The following PTMA variants were observed in gnomAD, a reference collection of about 807,000 sequenced individuals.
The protein encoded by PTMA is gene sequence 28.
A neutral mutation model predicts 16.9 loss-of-function variants in PTMA; 4 were observed. That is an observed-to-expected ratio of 0.24 (90% CI 0.12 to 0.54). The LOEUF (loss-of-function observed/expected upper bound fraction) is 0.54, where lower values mean the gene tolerates loss of function less well. Among genes scored for constraint, PTMA ranks in the 20% least tolerant of loss-of-function variants. The pLI, the probability that PTMA is intolerant of heterozygous loss-of-function variation, is 0.95. For synonymous variants in PTMA, 58 were observed against 47.9 expected (o/e 1.21, Z -0.87); for missense variants, 120 against 137.7 (o/e 0.87, Z 0.64).
rs555577182 is a variant in PTMA, at chr2:231,708,676, C to A, written c.-31C>A. ...CCTGAACTCTCGCTTTCTTTTTAAT[C>A]CCCTGCATCGGATCACCGGCGTGCC... On this transcript the variant is annotated 5_prime_UTR_variant, in exon 1 of 5. Transcript: ENST00000409115. The A allele has an allele frequency of 1.0e-5, 16 of 1,600,558 alleles. No individual in the cohort carries two copies. The South Asian group carries it at 1.3e-4, about 13-fold the overall frequency.
At chr2:231,709,653 G>T (rs13386922) in intron 1 of PTMA, 13,013 of 152,416 alleles carry the variant, frequency 0.085, 1,247 homozygotes, top group African/African-American at 0.24. Flanking sequence ...GCCCCGTGGC[G>T]GGTTCACTGC....
Position 231,708,532 on chromosome 2 carries a change from T to C in PTMA, c.-175T>C, listed in dbSNP as rs1205089086. 1.4e-6 allele frequency: 1 copy of C among 738,848 alleles called. No homozygotes were observed. The highest frequency in any genetic ancestry group is 2.3e-6 in the Non-Finnish European group (1 of 432,224). 45.8% of individuals were successfully genotyped at this position (738,848 alleles called of 1,614,324 possible). A position where few individuals can be genotyped will look rare whatever the true frequency, so the allele number is the denominator to read the frequency against. Reference sequence around the variant, plus strand: ...TTCTGGCGCCGCGTGAGTCCCCCACTGGCTGCTCTGAAAAGCCATCTTTGC... The same window carrying C: ...TTCTGGCGCCGCGTGAGTCCCCCACCGGCTGCTCTGAAAAGCCATCTTTGC... On this transcript the variant is annotated 5_prime_UTR_variant, in exon 1 of 5. Coordinates refer to ENST00000409115, the MANE Select transcript of PTMA (RefSeq NM_002823.5).
At chr2:231,708,956 C>T (rs977734525) in intron 1 of PTMA, among the ~76,000 whole-genome samples, 8 of 152,196 alleles carry the variant, frequency 5.3e-5, no homozygotes, top group Non-Finnish European at 1.0e-4. Context: ...GACGTGATGC[C>T]CGTCGGGGAG....
chr2:231,708,861 G>T, intron 1 of PTMA, 110 bp downstream of exon 1: 6 of 1,323,524 alleles, frequency 4.5e-6, no homozygotes, highest in South Asian at 1.3e-5. Flanking sequence ...CCTCTCGCGG[G>T]GAAACGGCCC....
intron 2 of PTMA, 64 bp downstream of exon 2, chr2:231,711,483 C>G (rs983468186): frequency 6.9e-7 from 1 of 1,443,204 alleles, no homozygotes; most frequent in Non-Finnish European, 9.7e-7. Context: ...TCCTGTTCTA[C>G]TTTAAACATA....
intron 1 of PTMA, chr2:231,710,509 A>T: frequency 1.1e-6 from 1 of 942,674 alleles, no homozygotes. Context: ...CCGGACTGAG[A>T]GGGCCGACAG....
intron 1 of PTMA, 183 bp from the exon 2 acceptor site, chr2:231,711,165 C>T (rs1047638930): frequency 2.0e-5 from 11 of 538,048 alleles, no homozygotes; most frequent in African/African-American, 1.5e-4. Flanking sequence ...ATGCCCCCCG[C>T]CGGCCTTCCT....
chr2:231,708,939 G>C (rs1165120670), intron 1 of PTMA, among the ~76,000 whole-genome samples, 188 bp downstream of exon 1: 1 of 152,212 alleles, frequency 6.6e-6, no homozygotes, highest in Non-Finnish European at 1.5e-5. Context: ...GGGAACCGCC[G>C]CGGGCAGACG....
chr2:231,710,158 C>T, intron 1 of PTMA: 2 of 1,271,116 alleles, frequency 1.6e-6, no homozygotes, highest in African/African-American at 3.1e-5. Flanking sequence ...GGGCGACCTC[C>T]CGTGGGACTT....
intron 2 of PTMA, 133 bp downstream of exon 2, chr2:231,711,552 C>T (rs1297640839): frequency 2.3e-6 from 2 of 864,834 alleles, no homozygotes; most frequent in Non-Finnish European, 1.8e-6. Flanking sequence ...GTATCGTAGC[C>T]AATGAGCTTT....
At chr2:231,709,929 C>A in intron 1 of PTMA, 1 of 531,964 alleles carries the variant, frequency 1.9e-6, no homozygotes, top group Non-Finnish European at 2.8e-6. Context: ...CTTGGCAGAG[C>A]GGAGCTCGGG....
intron 1 of PTMA, chr2:231,710,533 G>A: frequency 1.3e-6 from 1 of 765,602 alleles, no homozygotes; most frequent in Non-Finnish European, 2.0e-6. Flanking sequence ...GCCCGGAGCC[G>A]CTCGCCGGAC....
intron 1 of PTMA, chr2:231,710,788 G>A: frequency 3.1e-6 from 1 of 326,042 alleles, no homozygotes; most frequent in South Asian, 2.3e-5. Flanking sequence ...AGGAACAGCG[G>A]TCGGATTTGG....
At position 231,709,294 on chromosome 2, in the gene PTMA, G is replaced by A. The variant is rs528265697; in HGVS notation, c.45+543G>A. Among the ~76,000 whole-genome samples the A allele has an allele frequency of 1.2e-4, 18 of 152,278 alleles. No homozygotes were observed. The South Asian group carries it at 3.1e-3, about 26-fold the overall frequency. On this transcript the variant is annotated intron_variant, in intron 1 of 4. Transcript: ENST00000409115. ...TGTCTAGACTAAGTCCCGATAAGGC[G>A]GATGGGGCGACGGGCTGGCTGGCCG...
chr2:231,710,623 G>A (rs191985873), intron 1 of PTMA: 3 of 465,758 alleles, frequency 6.4e-6, no homozygotes, highest in Non-Finnish European at 1.3e-5. Flanking sequence ...AAAAGTTACC[G>A]GGCGCCCGGG....
At chr2:231,712,354 CCTTG>C in intron 3 of PTMA, 85 bp from the exon 4 acceptor site, 1 of 1,370,796 alleles carries the variant, frequency 7.3e-7, no homozygotes, top group Non-Finnish European at 1.0e-6. Context: ...AGGGCAGGGA[CCTTG>C]CAGTCCACTA....
At chr2:231,712,321 G>T in intron 3 of PTMA, 122 bp from the exon 4 acceptor site, 1 of 1,086,374 alleles carries the variant, frequency 9.2e-7, no homozygotes. Flanking sequence ...CCCTGATTGG[G>T]CCCAGTTGCA....
intron 1 of PTMA, chr2:231,710,405 C>T (rs1305238487): frequency 1.7e-6 from 2 of 1,152,284 alleles, no homozygotes; most frequent in Non-Finnish European, 2.1e-6. Flanking sequence ...CGCCTGCGCG[C>T]CGCGACCTCC....
At chr2:231,711,029 C>T (rs2048511749) in intron 1 of PTMA, 2 of 272,190 alleles carry the variant, frequency 7.3e-6, no homozygotes, top group Admixed American at 5.1e-5. Context: ...CTCGTCCACC[C>T]GGCCGGACGG....
Sources: gnomAD v4.1 joint callset for allele counts (sites outside exome capture counted in the v4.1 genomes callset) on GRCh38, gnomAD v4.1.1 for gene constraint, MANE v1.5 for transcripts, NCBI Gene and HGNC (gene_info 2026-07-23, HGNC 2026-07-21) for gene names.